LCP2: variants seen among roughly 807,000 people sequenced by gnomAD.
LCP2 encodes the protein 76 kDa tyrosine phosphoprotein.
LCP2 carries 29 observed loss-of-function variants against 74.5 expected under a neutral mutation model. The observed-to-expected ratio is 0.39, with a 90% CI of 0.29 to 0.53. The LOEUF (loss-of-function observed/expected upper bound fraction) is 0.53. Among genes scored for constraint, LCP2 ranks in the 20% least tolerant of loss-of-function variants. The pLI is 0.72. For synonymous variants in LCP2, 228 were observed against 229.5 expected, an observed-to-expected ratio of 0.99 and a Z score of 0.06; for missense variants, 604 against 634.6, an observed-to-expected ratio of 0.95 and a Z score of 0.52.
rs202139928 is a variant in LCP2, at chr5:170,261,119, G to A, written c.945C>T (p.Asp315=). The change falls in exon 14 of 21, where the codon GAC becomes GAT. Residue 315 remains aspartate (D), a synonymous_variant. Transcript: ENST00000046794. The part of the protein sequence containing the change: ...PPVPKHGWGP[D]RRENDEDDVH... ...ATTTTGTACTTACATTCTCTCTTCTGTCTGGTCCCCATCCATGCCTGAAAT... is the reference window on the plus strand; with the variant it reads ...ATTTTGTACTTACATTCTCTCTTCTATCTGGTCCCCATCCATGCCTGAAAT... The A allele has an allele frequency of 6.2e-6, 10 of 1,605,338 alleles. No individual in the cohort carries two copies. In the African/African-American group the frequency reaches 8.0e-5, roughly 13 times the overall value.
intron 13 of LCP2, among the ~76,000 whole-genome samples, chr5:170,262,342 A>C (rs1221577688): frequency 1.3e-5 from 2 of 152,216 alleles, no homozygotes; most frequent in African/African-American, 4.8e-5. Context: ...TGCTATAACG[A>C]GGTTGGAAAA....
chr5:170,277,188 T>C (rs575228372), intron 3 of LCP2, among the ~76,000 whole-genome samples: 46 of 152,128 alleles, frequency 3.0e-4, no homozygotes, highest in African/African-American at 1.1e-3. Context: ...CCTTTCTAAT[T>C]TCCAAGCCAG....
intron 7 of LCP2, among the ~76,000 whole-genome samples, chr5:170,270,075 C>A (rs889102383): frequency 2.6e-5 from 4 of 152,158 alleles, no homozygotes; most frequent in Admixed American, 6.5e-5. Flanking sequence ...TATTTTCTGT[C>A]AACACCACTA....
At chr5:170,258,375 G>A in intron 15 of LCP2, 3 of 509,794 alleles carry the variant, frequency 5.9e-6, no homozygotes, top group Non-Finnish European at 1.0e-5. Context: ...ATTTACAAAG[G>A]GGCGCAGATC....
chr5:170,264,185 C>T (rs1327404697), intron 10 of LCP2, among the ~76,000 whole-genome samples: 1 of 152,212 alleles, frequency 6.6e-6, no homozygotes, highest in African/African-American at 2.4e-5. Context: ...TAACACTTCT[C>T]CTTTTTATAA....
At chr5:170,290,343 A>G (rs776659751) in intron 2 of LCP2, among the ~76,000 whole-genome samples, 5 of 152,122 alleles carry the variant, frequency 3.3e-5, no homozygotes, top group Admixed American at 2.0e-4. Context: ...TTGTTTTCCT[A>G]CTGACAGGTC....
intron 2 of LCP2, among the ~76,000 whole-genome samples, chr5:170,289,782 G>A (rs1762257875): frequency 7.5e-6 from 1 of 133,120 alleles, no homozygotes; most frequent in South Asian, 2.3e-4. Context: ...TCACTGAGCA[G>A]CATCTCCCTG....
intron 3 of LCP2, among the ~76,000 whole-genome samples, chr5:170,283,955 G>T (rs1455851725): frequency 1.3e-5 from 2 of 152,178 alleles, no homozygotes; most frequent in Admixed American, 1.3e-4. Flanking sequence ...ATGTACCATT[G>T]CACTGTTGTA....
chr5:170,296,487 G>A (rs1486637618), intron 1 of LCP2, among the ~76,000 whole-genome samples: 1 of 152,092 alleles, frequency 6.6e-6, no homozygotes, highest in Non-Finnish European at 1.5e-5. Flanking sequence ...AATTTCCCCA[G>A]GAAAAACACG....
At chr5:170,253,336 G>C (rs192530806) in intron 17 of LCP2, 123 bp from the exon 18 acceptor site, 18 of 542,254 alleles carry the variant, frequency 3.3e-5, no homozygotes, top group Middle Eastern at 3.3e-4. Context: ...CCTATAGTTC[G>C]CATTTTAAGA....
chr5:170,250,590 C>A, intron 20 of LCP2, 140 bp downstream of exon 20: 1 of 664,746 alleles, frequency 1.5e-6, no homozygotes, highest in Non-Finnish European at 2.7e-6. Flanking sequence ...TATTTCTCTT[C>A]CAATAAATGA....
rs2113188873 is a variant in LCP2 at position 170,275,361 on chromosome 5, T to C, written c.255-10A>G. The C allele has an allele frequency of 3.1e-6, 5 of 1,613,924 alleles. No homozygotes were observed. Among genetic ancestry groups the C allele is most frequent in the Non-Finnish European group, 4.2e-6 (5 of 1,179,832 alleles). ...CCGCGGGACTTGGGGTCTGCAAAGG[T>C]AAATAGCACTGCATTAATGGTCTTC... is the stretch of plus-strand genomic sequence containing the variant. On this transcript the variant is annotated splice_polypyrimidine_tract_variant and intron_variant, in intron 4 of 20. Transcript: ENST00000046794.
At chr5:170,260,359 C>T (rs986962931) in intron 14 of LCP2, among the ~76,000 whole-genome samples, 1 of 152,240 alleles carries the variant, frequency 6.6e-6, no homozygotes, top group African/African-American at 2.4e-5. Context: ...GGGCTGAGCC[C>T]TTGAATGACA....
At chr5:170,258,296 A>C in intron 15 of LCP2, 130 bp from the exon 16 acceptor site, 1 of 917,858 alleles carries the variant, frequency 1.1e-6, no homozygotes, top group Non-Finnish European at 1.7e-6. Flanking sequence ...GATCAGATGT[A>C]ATTAGGAAGT....
rs200339827 is a variant in LCP2, at chr5:170,275,727, GT to G, written c.254+67del. ...CAAAAAGTAGGGCAAAAACAGTTCT[GT>G]GCCTCCCTTTTAAGGTTCAACTCGG... On this transcript the variant is annotated intron_variant, in intron 4 of 20. Transcript: ENST00000046794. The G allele has an allele frequency of 6.1e-4, 793 of 1,303,932 alleles. 5 individuals carry two copies. In the East Asian group the frequency reaches 6.4e-3, roughly 11 times the overall value. 80.8% of individuals were successfully genotyped at this position (1,303,932 alleles called of 1,614,324 possible).
rs1761557576 is a variant in LCP2, at chr5:170,256,678, G to GT, written c.1101-104dup. 21 of 819,222 alleles carry GT rather than the reference G, an allele frequency of 2.6e-5. No homozygotes were observed. In the South Asian group the frequency reaches 2.6e-4, roughly 10 times the overall value. 50.7% of individuals were successfully genotyped at this position (819,222 alleles called of 1,614,324 possible). On this transcript the variant is annotated intron_variant, in intron 16 of 20. Transcript: ENST00000046794. The surrounding 1 kb of genome is among the most constrained non-coding windows in gnomAD (Gnocchi z 4.5). ...CAGGCTGCAAATGCTTCTTGATTTGGTATCACTTTCCCTGCTGCCCCCAAA... is the reference window on the plus strand; with the variant it reads ...CAGGCTGCAAATGCTTCTTGATTTGGTTATCACTTTCCCTGCTGCCCCCAAA...
intron 2 of LCP2, among the ~76,000 whole-genome samples, chr5:170,290,948 AAAGAAAAGAAAG>A (rs1349914718): frequency 3.2e-5 from 3 of 94,652 alleles, no homozygotes; most frequent in East Asian, 2.7e-4. Context: ...AGAAAGAAAG[AAAGAAAAGAAAG>A]AAAGAAAGAA....
In LCP2 at chr5:170,258,847, A is replaced by C; in HGVS notation, c.970+19T>G. On this transcript the variant is annotated intron_variant, in intron 15 of 20. Transcript: ENST00000046794. ...GAAAGAATGAGTTATAGGCTGTAAG[A>C]ATGTGTTTCCGAACATACCATCATC... is the stretch of plus-strand genomic sequence containing the variant. 1 of 1,573,708 alleles carries C rather than the reference A, an allele frequency of 6.4e-7. No individual in the cohort carries two copies. Among genetic ancestry groups the C allele is most frequent in the Non-Finnish European group, 8.7e-7 (1 of 1,150,452 alleles).
chr5:170,263,826 T>TG (rs1761702880), intron 10 of LCP2, among the ~76,000 whole-genome samples: 1 of 152,184 alleles, frequency 6.6e-6, no homozygotes. Context: ...CATCTCAAAA[T>TG]GAAGATTATA....
Sources: gnomAD v4.1 joint callset for allele counts (sites outside exome capture counted in the v4.1 genomes callset) on GRCh38, gnomAD v4.1.1 for gene constraint, Gnocchi (gnomAD v3.1) non-coding constraint, MANE v1.5 for transcripts, NCBI Gene and HGNC (gene_info 2026-07-23, HGNC 2026-07-21) for gene names.